The following DLEC1 variants were observed in gnomAD, a reference collection of about 807,000 sequenced individuals.
DLEC1 encodes deleted in lung and esophageal cancer protein 1.
Under a neutral mutation model 198.1 loss-of-function variants are expected in DLEC1, and 146 were observed. The observed-to-expected ratio is 0.74, with a 90% CI of 0.64 to 0.85. DLEC1 has a LOEUF of 0.85. Among genes scored for constraint, DLEC1 ranks in the 40% least tolerant of loss-of-function variants. DLEC1 has a pLI of 0.00. For missense variants in DLEC1, 2,233 were observed against 2,220.0 expected (o/e 1.01, Z -0.12); for synonymous variants, 897 against 866.8 (o/e 1.03, Z -0.61).
At chr3:38,055,730 T>G (rs1696326233) in intron 2 of DLEC1, among the ~76,000 whole-genome samples, 1 of 152,082 alleles carries the variant, frequency 6.6e-6, no homozygotes. Context: ...CAACGTGGAC[T>G]CTAAAGCTCT....
Position 38,086,258 on chromosome 3 carries a change from T to A in DLEC1, c.1453T>A (p.Cys485Ser). The change falls in exon 9 of 37, where the codon TGT (cysteine) becomes AGT (serine). Residue 485 changes from cysteine (C) to serine (S), a missense_variant. Transcript: ENST00000308059. Reference sequence around the variant, plus strand: ...GGCTACAGTGTCACCGGTGTTGGACTGTGGTTACTGCCTCATTGGGGGAGT... The same window carrying A: ...GGCTACAGTGTCACCGGTGTTGGACAGTGGTTACTGCCTCATTGGGGGAGT... ...PVLTLSPVLD[C>S]GYCLIGGVKM... 6.2e-7 allele frequency: 1 copy of A among 1,612,298 alleles called. No individual in the cohort carries two copies. Among genetic ancestry groups the A allele is most frequent in the Non-Finnish European group, 8.5e-7 (1 of 1,179,084 alleles).
At chr3:38,041,046 C>G (rs957691685) in intron 1 of DLEC1, among the ~76,000 whole-genome samples, 1 of 152,068 alleles carries the variant, frequency 6.6e-6, no homozygotes, top group African/African-American at 2.4e-5. Flanking sequence ...GAGTCTCACT[C>G]TGTCACCCAG....
intron 2 of DLEC1, among the ~76,000 whole-genome samples, chr3:38,054,214 C>CA (rs201106337): frequency 1.3e-5 from 2 of 150,776 alleles, no homozygotes; most frequent in Admixed American, 6.6e-5. Context: ...AAAAACAAAA[C>CA]AAAAAAACAA....
intron 25 of DLEC1, 72 bp from the exon 26 acceptor site, chr3:38,114,270 G>A: frequency 2.0e-6 from 3 of 1,466,932 alleles, no homozygotes; most frequent in South Asian, 1.2e-5. Flanking sequence ...CTGGACAAGT[G>A]GAGGCCTTGC....
chr3:38,039,326 G>T lies in DLEC1; in HGVS notation c.101G>T (p.Ser34Ile). The T allele has an allele frequency of 6.2e-7, 1 of 1,614,234 alleles. No homozygotes were observed. The highest frequency in any genetic ancestry group is 8.5e-7 in the Non-Finnish European group (1 of 1,180,034). ...WAPTSPPAGSSSPSQPTWKSS... is the reference protein window; with the variant it reads ...WAPTSPPAGSISPSQPTWKSS... ...CCAACTTCGCCACCAGCCGGGTCCAGCAGCCCCAGCCAGCCCACCTGGAAG... is the reference window on the plus strand; with the variant it reads ...CCAACTTCGCCACCAGCCGGGTCCATCAGCCCCAGCCAGCCCACCTGGAAG... The change falls in exon 1 of 37, where the codon AGC (serine) becomes ATC (isoleucine). Residue 34 changes from serine to isoleucine, a missense_variant. By Grantham distance (142) the Ser-to-Ile change is moderately radical (BLOSUM62 -2). Transcript: ENST00000308059.
intron 16 of DLEC1, 54 bp downstream of exon 16, chr3:38,097,329 G>T: frequency 6.5e-7 from 1 of 1,548,964 alleles, no homozygotes; most frequent in South Asian, 1.2e-5. Flanking sequence ...GGCTCAGGAA[G>T]AAATCTTCAG....
chr3:38,062,044 T>G, intron 3 of DLEC1, 125 bp from the exon 4 acceptor site: 1 of 896,280 alleles, frequency 1.1e-6, no homozygotes, highest in Non-Finnish European at 1.7e-6. Flanking sequence ...GCTGGTGTGG[T>G]AAATATGAAA....
intron 9 of DLEC1, among the ~76,000 whole-genome samples, chr3:38,087,525 C>T (rs111343118): frequency 0.022 from 2,118 of 97,630 alleles, 2 homozygotes; most frequent in Middle Eastern, 0.045. Context: ...CACCATCCAT[C>T]AGCACTGACA....
rs1188626544 is a variant in DLEC1, at chr3:38,098,559, G to A, written c.2724+657G>A. On this transcript the variant is annotated intron_variant, in intron 18 of 36. Coordinates refer to ENST00000308059, the MANE Select transcript of DLEC1 (RefSeq NM_007335.4). ...CACCACGGCATGGCTGCAGCTCCCT[G>A]GTGGACTGCACATGTGAGACCCTGG... Among the ~76,000 whole-genome samples, 5 of 152,110 alleles carry A rather than the reference G, an allele frequency of 3.3e-5. No individual in the cohort carries two copies. The East Asian group carries it at 9.6e-4, about 29-fold the overall frequency.
chr3:38,093,466 C>G, intron 11 of DLEC1, 139 bp from the exon 12 acceptor site: 1 of 1,004,222 alleles, frequency 1.0e-6, no homozygotes, highest in Non-Finnish European at 1.5e-6. Context: ...GGATATCCCC[C>G]TTTTCCCTCC....
chr3:38,099,304 C>A (rs543192337), intron 18 of DLEC1, among the ~76,000 whole-genome samples: 1 of 152,150 alleles, frequency 6.6e-6, no homozygotes, highest in Non-Finnish European at 1.5e-5. Context: ...CAAGGTCATA[C>A]GGCTGATGGG....
intron 8 of DLEC1, 90 bp from the exon 9 acceptor site, chr3:38,086,151 T>C: frequency 1.3e-6 from 2 of 1,506,242 alleles, no homozygotes; most frequent in South Asian, 1.3e-5. Flanking sequence ...GCTGTCCTGA[T>C]CTCTGGCTGT....
Position 38,109,691 on chromosome 3 carries a change from G to C in DLEC1, c.3260+129G>C, listed in dbSNP as rs561028081. The C allele has an allele frequency of 1.7e-4, 254 of 1,464,172 alleles. 2 individuals are homozygous for C. The South Asian group carries it at 3.1e-3, about 18-fold the overall frequency. The allele number at this position is 1,464,172 out of a possible 1,614,324, so 90.7% of individuals were successfully genotyped here. On this transcript the variant is annotated intron_variant, in intron 22 of 36. Coordinates refer to ENST00000308059, the MANE Select transcript of DLEC1 (RefSeq NM_007335.4). ...TTCCTGCAGGCAGGAAAACGCCACA[G>C]TGTTATTGCGGCCACTCACCACTCC... is the stretch of plus-strand genomic sequence containing the variant.
chr3:38,084,019 T>G (rs1166479098), intron 6 of DLEC1, 139 bp from the exon 7 acceptor site: 8 of 703,284 alleles, frequency 1.1e-5, no homozygotes, highest in Non-Finnish European at 1.6e-5. Flanking sequence ...CTCAGCCAGC[T>G]TCGACAGTTA....
At chr3:38,100,676 G>T (rs1413930845) in intron 19 of DLEC1, among the ~76,000 whole-genome samples, 1 of 152,102 alleles carries the variant, frequency 6.6e-6, no homozygotes, top group Non-Finnish European at 1.5e-5. Context: ...ATGTAAATTA[G>T]TATAACTACT....
At chr3:38,121,980 C>T (rs1700493282) in intron 35 of DLEC1, 91 bp from the exon 36 acceptor site, 2 of 1,565,802 alleles carry the variant, frequency 1.3e-6, no homozygotes, top group South Asian at 1.2e-5. Flanking sequence ...TGAGCAAGAC[C>T]AGAGGTACAG....
At chr3:38,083,020 GAGATTGAAGGGTGGCACCA>G (rs1698140551) in intron 6 of DLEC1, among the ~76,000 whole-genome samples, 1 of 152,024 alleles carries the variant, frequency 6.6e-6, no homozygotes, top group Non-Finnish European at 1.5e-5. Context: ...AGAGAAGGGA[GAGATTGAAGGGTGGCACCA>G]AGATTGAAAG....
rs6790738 is a variant in DLEC1 at position 38,112,676 on chromosome 3, T to C, written c.3666+315T>C. On this transcript the variant is annotated intron_variant, in intron 25 of 36. Transcript: ENST00000308059. This position sits in a 1 kb window ranked among gnomAD's most constrained non-coding sequence, Gnocchi z 4.8. ...TGCTGCCTGGGCCAGGACCCAAGACTTGGAGTAGGGAGTGTGGAGTGGAGG... is the reference window on the plus strand; with the variant it reads ...TGCTGCCTGGGCCAGGACCCAAGACCTGGAGTAGGGAGTGTGGAGTGGAGG... Among the ~76,000 whole-genome samples the C allele has an allele frequency of 0.41, 62,964 of 151,964 alleles. 13,981 individuals carry two copies. The highest frequency in any genetic ancestry group is 0.6 in the East Asian group (3,082 of 5,154).
chr3:38,109,700 C>T (rs776046691), intron 22 of DLEC1, 138 bp downstream of exon 22: 280 of 1,386,764 alleles, frequency 2.0e-4, no homozygotes, highest in Non-Finnish European at 2.6e-4. Flanking sequence ...AGTGTTATTG[C>T]GGCCACTCAC....
Sources: allele counts gnomAD v4.1 joint callset (sites outside exome capture counted in the v4.1 genomes callset), GRCh38; gene constraint gnomAD v4.1.1; non-coding constraint Gnocchi (gnomAD v3.1); transcripts MANE v1.5; gene names NCBI Gene and HGNC (gene_info 2026-07-23, HGNC 2026-07-21).